The following PIGG variants were observed in gnomAD, a reference collection of about 807,000 sequenced individuals.
PIGG encodes the protein GPI ethanolamine phosphate transferase 2, catalytic subunit.
Under a neutral mutation model 83.2 loss-of-function variants are expected in PIGG, and 70 were observed. The observed-to-expected ratio is 0.84, with a 90% CI of 0.69 to 1.03. The LOEUF (loss-of-function observed/expected upper bound fraction) is 1.03. Among genes scored for constraint, PIGG ranks in the 50% least tolerant of loss-of-function variants. The pLI is 0.00. For missense variants in PIGG, 1,257 were observed against 1,233.6 expected (o/e 1.02, Z -0.28); for synonymous variants, 532 against 519.5 (o/e 1.02, Z -0.33).
At chr4:534,971 T>C (rs746297186) in intron 12 of PIGG, among the ~76,000 whole-genome samples, 16 of 152,200 alleles carry the variant, frequency 1.1e-4, no homozygotes, top group Non-Finnish European at 2.2e-4. Flanking sequence ...CAGCTCCCCA[T>C]CCACACGCCC....
At position 515,842 on chromosome 4, in the gene PIGG, C is replaced by T. The variant is rs935950534; in HGVS notation, c.902-131C>T. ...GCAAGCACAGGAGGTGATTCCTGTACGATTCTGTGTTGAGTGGTGTGAAGA... is the reference window on the plus strand; with the variant it reads ...GCAAGCACAGGAGGTGATTCCTGTATGATTCTGTGTTGAGTGGTGTGAAGA... On this transcript the variant is annotated intron_variant, in intron 5 of 12. Transcript: ENST00000453061. This position sits in a 1 kb window ranked among gnomAD's most constrained non-coding sequence, Gnocchi z 4.2. The T allele has an allele frequency of 1.3e-5, 9 of 715,384 alleles. No individual in the cohort carries two copies. Among genetic ancestry groups the T allele is most frequent in the African/African-American group, 5.3e-5 (3 of 57,070 alleles). 44.3% of individuals were successfully genotyped at this position (715,384 alleles called of 1,614,324 possible).
In PIGG at chr4:515,962, C is replaced by A. The variant is rs376258418; in HGVS notation, c.902-11C>A. 11 of 1,608,432 alleles carry A rather than the reference C, an allele frequency of 6.8e-6. No homozygotes were observed. The African/African-American group carries it at 1.5e-4, about 21-fold the overall frequency. On this transcript the variant is annotated splice_polypyrimidine_tract_variant and intron_variant, in intron 5 of 12. Coordinates refer to ENST00000453061, the MANE Select transcript of PIGG (RefSeq NM_001127178.3). This position sits in a 1 kb window ranked among gnomAD's most constrained non-coding sequence, Gnocchi z 4.2. ...AGAAGTCTGTTACTTAAAATGTTTT[C>A]TTTCTTCTAGGTGATATCCGACATC...
At chr4:520,970 G>A in intron 6 of PIGG, 86 bp from the exon 7 acceptor site, 3 of 915,514 alleles carry the variant, frequency 3.3e-6, no homozygotes, top group South Asian at 2.9e-5. Flanking sequence ...CGTGTGCCAT[G>A]CATAACCGAA....
At position 539,660 on chromosome 4, in the gene PIGG, T is replaced by A. The variant is rs1023309398; in HGVS notation, c.*291T>A. The stretch of plus-strand genomic sequence containing the variant: ...CAATGAATGAAAAGGTTCTGGACTT[T>A]GTTAGAGTCCAGGAGCTCTGTGGGA... On this transcript the variant is annotated 3_prime_UTR_variant, in exon 13 of 13. Coordinates refer to ENST00000453061, the MANE Select transcript of PIGG (RefSeq NM_001127178.3). The A allele has an allele frequency of 3.4e-6, 1 of 291,530 alleles. No homozygotes were observed. Among genetic ancestry groups the A allele is most frequent in the African/African-American group, 2.2e-5 (1 of 45,504 alleles). 18.1% of individuals were successfully genotyped at this position (291,530 alleles called of 1,614,324 possible).
rs553987687 is a variant in PIGG, at chr4:512,604, C to T, written c.902-3369C>T. Among the ~76,000 whole-genome samples the T allele has an allele frequency of 2.0e-3, 300 of 152,018 alleles. 1 individual carries two copies. Among genetic ancestry groups the T allele is most frequent in the Non-Finnish European group, 3.7e-3 (250 of 68,004 alleles). On this transcript the variant is annotated intron_variant, in intron 5 of 12. Transcript: ENST00000453061. ...GGCCAAGGCGGGTGGATCACAAGGG[C>T]AGAAGTTCGAGACCAGCCTGACCAA... is the stretch of plus-strand genomic sequence containing the variant.
chr4:505,997 C>T (rs538567039), intron 3 of PIGG, 70 bp downstream of exon 3: 1 of 1,032,274 alleles, frequency 9.7e-7, no homozygotes, highest in South Asian at 1.4e-5. Context: ...CATCCCATTA[C>T]TTAGTGAGAG....
chr4:527,018 G>A (rs1320447333), intron 9 of PIGG, 21 bp from the exon 10 acceptor site: 1 of 1,613,840 alleles, frequency 6.2e-7, no homozygotes, highest in South Asian at 1.1e-5. Context: ...CGTAATGCTG[G>A]CATTTTCCAT....
chr4:518,551 A>C (rs554385407), intron 6 of PIGG, among the ~76,000 whole-genome samples: 4 of 152,274 alleles, frequency 2.6e-5, no homozygotes, highest in South Asian at 4.1e-4. Flanking sequence ...CGAGATGGCG[A>C]CACTGCACTC....
rs559317044 is a variant in PIGG at position 523,331 on chromosome 4, A to G, written c.1615-128A>G. On this transcript the variant is annotated intron_variant, in intron 8 of 12. Coordinates refer to ENST00000453061, the MANE Select transcript of PIGG (RefSeq NM_001127178.3). ...GGGGGCTGTTCCAGAGTAGGGGCCCAGGTGCTGGGTGTGAGGAACAATGGT... is the reference window on the plus strand; with the variant it reads ...GGGGGCTGTTCCAGAGTAGGGGCCCGGGTGCTGGGTGTGAGGAACAATGGT... The G allele has an allele frequency of 5.5e-5, 40 of 728,484 alleles. No individual in the cohort carries two copies. The African/African-American group carries it at 5.6e-4, about 10-fold the overall frequency. The allele number at this position is 728,484 out of a possible 1,614,324, so 45.1% of individuals were successfully genotyped here.
rs745714290 is a variant in PIGG at position 523,751 on chromosome 4, G to T, written c.1907G>T (p.Gly636Val). ...TGTGATGTCCTGGAGCGAGACAAAG[G>T]CCACGGAAGCCCCTCTACCTCCGAA... ...PGCDVLERDK[G>V]HGSPSTSEVL... Residue 636 changes from glycine to valine, a missense_variant, in exon 9 of 13, where the codon GGC (glycine) becomes GTC (valine). By Grantham distance (109) the Gly-to-Val change is moderately radical. Coordinates refer to ENST00000453061, the MANE Select transcript of PIGG (RefSeq NM_001127178.3). The T allele has an allele frequency of 1.2e-6, 2 of 1,614,126 alleles. No homozygotes were observed. Among genetic ancestry groups the T allele is most frequent in the South Asian group, 2.2e-5 (2 of 91,090 alleles).
chr4:534,017 G>C, intron 12 of PIGG, 36 bp downstream of exon 12: 2 of 1,601,408 alleles, frequency 1.2e-6, no homozygotes. Flanking sequence ...CAGTTCTGGG[G>C]GCCGGCTGCC....
intron 3 of PIGG, chr4:506,756 T>A (rs562722353): frequency 2.2e-5 from 10 of 456,212 alleles, no homozygotes; most frequent in South Asian, 1.2e-4. Context: ...ATGTGTTTAT[T>A]TCAGAAATCA....
Position 505,840 on chromosome 4 carries a change from T to C in PIGG, c.483T>C (p.Tyr161=). The change falls in exon 3 of 13, where the codon TAT becomes TAC. Residue 161 remains tyrosine (Y), a synonymous_variant. Transcript: ENST00000453061. ...CAGCTGGAAAAAGAATAGTCTTTTA[T>C]GGAGATGAAACCTGGGTTAAATTAT... ...AKAAGKRIVF[Y]GDETWVKLFP... The C allele has an allele frequency of 1.9e-6, 3 of 1,613,290 alleles. No individual in the cohort carries two copies. Among genetic ancestry groups the C allele is most frequent in the Non-Finnish European group, 2.5e-6 (3 of 1,179,660 alleles).
Position 539,341 on chromosome 4 carries a change from T to C in PIGG, c.2924T>C (p.Met975Thr), listed in dbSNP as rs200082567. 3.1e-6 allele frequency: 5 copies of C among 1,611,648 alleles called. No individual in the cohort carries two copies. The South Asian group carries it at 4.4e-5, about 14-fold the overall frequency. The change falls in exon 13 of 13, where the codon ATG becomes ACG. Residue 975 changes from methionine to threonine, a missense_variant. Physicochemically the swap from Met to Thr is moderately conservative, Grantham distance 81 (BLOSUM62 -1). Transcript: ENST00000453061. ...TAAVCVFFTA[M>T]DQTRLTQS ...GCTGTCTGTGTATTCTTCACGGCAA[T>C]GGATCAAACCAGACTCACACAGTCT...
Position 528,676 on chromosome 4 carries a change from TG to T in PIGG, c.2261+1447del. On this transcript the variant is annotated intron_variant, in intron 10 of 12. Transcript: ENST00000453061. This position sits in a 1 kb window ranked among gnomAD's most constrained non-coding sequence, Gnocchi z 4.8. ...TCCAAATGGATGTTACATTTGCGGG[TG>T]TGTGTTTAAGGTGCAGCGTATGAAT... The T allele has an allele frequency of 1.0e-6, 1 of 985,264 alleles. No individual in the cohort carries two copies. Among genetic ancestry groups the T allele is most frequent in the Non-Finnish European group, 1.2e-6 (1 of 829,832 alleles). 61.0% of individuals were successfully genotyped at this position (985,264 alleles called of 1,614,324 possible).
chr4:503,187 T>C lies in PIGG; in HGVS notation c.361-2531T>C, dbSNP rs181121456. Among the ~76,000 whole-genome samples, 348 of 152,322 alleles carry C rather than the reference T, an allele frequency of 2.3e-3. 1 individual carries two copies. Among genetic ancestry groups the C allele is most frequent in the African/African-American group, 8.0e-3 (332 of 41,570 alleles). ...ACTGTGGATGTGAATACAGGTTGAC[T>C]GAGCTGGTATCTCCACTGCCACCAC... On this transcript the variant is annotated intron_variant, in intron 2 of 12. Coordinates refer to ENST00000453061, the MANE Select transcript of PIGG (RefSeq NM_001127178.3).
intron 6 of PIGG, among the ~76,000 whole-genome samples, chr4:517,614 G>C (rs571363587): frequency 4.6e-5 from 7 of 152,254 alleles, no homozygotes; most frequent in African/African-American, 1.4e-4. Context: ...CTGAGCTTTG[G>C]ATCTGGCCAT....
chr4:516,083 G>T lies in PIGG; in HGVS notation c.1012G>T (p.Val338Phe). 1 of 1,613,846 alleles carries T rather than the reference G, an allele frequency of 6.2e-7. No homozygotes were observed. The highest frequency in any genetic ancestry group is 1.1e-5 in the South Asian group (1 of 91,074). ...CAGTGTAGGGAGCCTCCTATTCCCA[G>T]TTGTGGAAGGAAGACCAATGAGAGA... ...KDSVGSLLFP[V>F]VEGRPMREQL... Residue 338 changes from valine to phenylalanine, a missense_variant, in exon 6 of 13, where the codon GTT becomes TTT. By Grantham distance (50) the Val-to-Phe change is conservative (BLOSUM62 -1). Coordinates refer to ENST00000453061, the MANE Select transcript of PIGG (RefSeq NM_001127178.3).
At chr4:531,363 G>GCCGACTC (rs1560369906) in intron 11 of PIGG, 1 of 156,770 alleles carries the variant, frequency 6.4e-6, no homozygotes, top group Non-Finnish European at 1.4e-5. Flanking sequence ...AGGAGAGCAG[G>GCCGACTC]CACAGCCCTG....
Sources: gnomAD v4.1 joint callset for allele counts (sites outside exome capture counted in the v4.1 genomes callset) on GRCh38, gnomAD v4.1.1 for gene constraint, Gnocchi (gnomAD v3.1) non-coding constraint, MANE v1.5 for transcripts, NCBI Gene and HGNC (gene_info 2026-07-23, HGNC 2026-07-21) for gene names.